The following DIS3L2 variants were observed in gnomAD, a reference collection of about 807,000 sequenced individuals.
The protein encoded by DIS3L2 is DIS3 like 3'-5' exoribonuclease 2.
Under a neutral mutation model 97.5 loss-of-function variants are expected in DIS3L2, and 34 were observed. That is an observed-to-expected ratio of 0.35 (90% CI 0.27 to 0.46). The LOEUF (loss-of-function observed/expected upper bound fraction) is 0.46. Ranked by LOEUF, DIS3L2 falls within the 20% of genes least tolerant of loss-of-function variation. The pLI is 1.00. For synonymous variants in DIS3L2, 435 were observed against 445.2 expected (o/e 0.98, Z 0.29); for missense variants, 1,038 against 1,146.0 (o/e 0.91, Z 1.36).
intron 7 of DIS3L2, among the ~76,000 whole-genome samples, chr2:232,134,871 GCA>G (rs141691233): frequency 2.3e-3 from 341 of 149,292 alleles, no homozygotes; most frequent in African/African-American, 5.9e-3. Flanking sequence ...TTGTGTGTGC[GCA>G]CACACACACA....
In DIS3L2 at chr2:232,024,284, T is replaced by G. The variant is rs867217314; in HGVS notation, c.218T>G (p.Leu73Trp). The change falls in exon 4 of 21, where the codon TTG becomes TGG. Residue 73 changes from leucine to tryptophan, a missense_variant. Transcript: ENST00000325385. Reference protein sequence around the residue: ...LKRGTLIQGVLRINPKKFHEA... With the variant: ...LKRGTLIQGVWRINPKKFHEA... ...TTATTTTTTGTTTTAAAGGGTGTAT[T>G]GAGAATTAATCCAAAGAAGTTTCAT... is the stretch of plus-strand genomic sequence containing the variant. The G allele has an allele frequency of 6.2e-7, 1 of 1,602,248 alleles. No individual in the cohort carries two copies. The highest frequency in any genetic ancestry group is 8.5e-7 in the Non-Finnish European group (1 of 1,174,866).
In DIS3L2 at chr2:232,161,171, C is replaced by T. The variant is rs1344914010; in HGVS notation, c.951-2288C>T. Among the ~76,000 whole-genome samples, 13 of 152,108 alleles carry T rather than the reference C, an allele frequency of 8.5e-5. No individual in the cohort carries two copies. In the South Asian group the frequency reaches 1.5e-3, roughly 17 times the overall value. On this transcript the variant is annotated intron_variant, in intron 8 of 20. Transcript: ENST00000325385. ...GACCTCATGATCCTCCTGCCTTGGC[C>T]TCCCAAAGTGCTGGGATTACAGGCG...
chr2:232,161,497 A>G (rs536549597), intron 8 of DIS3L2, among the ~76,000 whole-genome samples: 2 of 151,982 alleles, frequency 1.3e-5, no homozygotes, highest in East Asian at 1.9e-4. Context: ...TTGAGATAGC[A>G]TCTCGCTCTG....
chr2:232,284,129 C>T (rs1694366895), intron 13 of DIS3L2, among the ~76,000 whole-genome samples: 1 of 152,058 alleles, frequency 6.6e-6, no homozygotes, highest in Non-Finnish European at 1.5e-5. Flanking sequence ...GGTCTCAGTT[C>T]AGGGGCTGCT....
intron 13 of DIS3L2, among the ~76,000 whole-genome samples, chr2:232,282,004 T>C (rs1234455503): frequency 1.3e-5 from 2 of 151,904 alleles, no homozygotes; most frequent in Non-Finnish European, 2.9e-5. Context: ...GTGGCACCCA[T>C]GAAAGCCTCC....
intron 14 of DIS3L2, among the ~76,000 whole-genome samples, chr2:232,309,562 C>T (rs1159651012): frequency 2.0e-5 from 3 of 152,126 alleles, no homozygotes; most frequent in Non-Finnish European, 4.4e-5. Context: ...AAGCTGGTCT[C>T]AATCTCCTGG....
At chr2:232,003,242 C>CT (rs1693957396) in intron 1 of DIS3L2, among the ~76,000 whole-genome samples, 1 of 152,140 alleles carries the variant, frequency 6.6e-6, no homozygotes, top group African/African-American at 2.4e-5. Context: ...TCTTTTTTCT[C>CT]TGTCGTTTTA....
At chr2:232,225,590 T>G (rs979594666) in intron 10 of DIS3L2, among the ~76,000 whole-genome samples, 1 of 152,136 alleles carries the variant, frequency 6.6e-6, no homozygotes, top group Non-Finnish European at 1.5e-5. Flanking sequence ...GGAGGAGGCA[T>G]GAGAAAAGCT....
chr2:232,026,721 A>T (rs972996043), intron 4 of DIS3L2, among the ~76,000 whole-genome samples: 3 of 152,132 alleles, frequency 2.0e-5, no homozygotes, highest in African/African-American at 7.2e-5. Context: ...AATTCAAGTA[A>T]TTTACATCTG....
At chr2:231,999,910 A>G (rs186783635) in intron 1 of DIS3L2, among the ~76,000 whole-genome samples, 5 of 152,260 alleles carry the variant, frequency 3.3e-5, no homozygotes, top group Non-Finnish European at 1.5e-5. Flanking sequence ...GCTACTTAAC[A>G]TATCCATTAT....
At chr2:232,100,261 T>A (rs1697158304) in intron 6 of DIS3L2, among the ~76,000 whole-genome samples, 1 of 149,980 alleles carries the variant, frequency 6.7e-6, no homozygotes, top group Non-Finnish European at 1.5e-5. Context: ...GGTCTCGAAC[T>A]CCTGACCTGA....
chr2:232,334,545 C>T (rs370906260), intron 18 of DIS3L2, 46 bp downstream of exon 18: 4 of 1,608,908 alleles, frequency 2.5e-6, no homozygotes, highest in African/African-American at 2.7e-5. Flanking sequence ...TGGCTCCCGA[C>T]CCTCCTGGGC....
chr2:232,049,617 C>A (rs944245440), intron 5 of DIS3L2, among the ~76,000 whole-genome samples: 2 of 152,198 alleles, frequency 1.3e-5, no homozygotes, highest in African/African-American at 4.8e-5. Context: ...GGGAGACAGT[C>A]TGGACACAGG....
intron 14 of DIS3L2, among the ~76,000 whole-genome samples, chr2:232,311,224 A>G (rs12612231): frequency 0.23 from 35,622 of 152,222 alleles, 5,582 homozygotes; most frequent in East Asian, 0.48. Flanking sequence ...GTGTACACAC[A>G]CAGGAACACT....
At chr2:232,169,311 T>C (rs1403634505) in intron 9 of DIS3L2, among the ~76,000 whole-genome samples, 1 of 152,220 alleles carries the variant, frequency 6.6e-6, no homozygotes, top group African/African-American at 2.4e-5. Flanking sequence ...ATATTGTTTA[T>C]ATATAGTATA....
At chr2:232,126,974 A>G (rs1293032415) in intron 6 of DIS3L2, among the ~76,000 whole-genome samples, 1 of 152,130 alleles carries the variant, frequency 6.6e-6, no homozygotes, top group Non-Finnish European at 1.5e-5. Context: ...CTATATCTAT[A>G]TATCCTTCAA....
At chr2:232,206,018 T>A (rs1345486718) in intron 9 of DIS3L2, among the ~76,000 whole-genome samples, 2 of 152,172 alleles carry the variant, frequency 1.3e-5, no homozygotes, top group Non-Finnish European at 2.9e-5. Flanking sequence ...TCTTGCAGTG[T>A]CCCTTGGGGT....
At chr2:231,993,276 CGA>C in intron 1 of DIS3L2, among the ~76,000 whole-genome samples, 1 of 151,920 alleles carries the variant, frequency 6.6e-6, no homozygotes, top group South Asian at 2.1e-4. Context: ...TGCAGTGGTA[CGA>C]TCTTGGCTTA....
At chr2:232,009,748 A>G (rs1019758676) in intron 1 of DIS3L2, among the ~76,000 whole-genome samples, 1 of 152,032 alleles carries the variant, frequency 6.6e-6, no homozygotes, top group Non-Finnish European at 1.5e-5. Flanking sequence ...GTGCATGTGG[A>G]CAGTCTTCCA....
Sources: gnomAD v4.1 joint callset for allele counts (sites outside exome capture counted in the v4.1 genomes callset) on GRCh38, gnomAD v4.1.1 for gene constraint, MANE v1.5 for transcripts, NCBI Gene and HGNC (gene_info 2026-07-23, HGNC 2026-07-21) for gene names.